Variants in BAZ2B observed in about 807,000 individuals in gnomAD.
BAZ2B encodes bromodomain adjacent to zinc finger domain 2B, also known as bromodomain adjacent to zinc finger domain protein 2B.
Under a neutral mutation model 246.0 loss-of-function variants are expected in BAZ2B, and 91 were observed. The ratio of observed to expected loss-of-function variants is 0.37; its 90% CI spans 0.31 to 0.44. The LOEUF is 0.44. BAZ2B is among the 20% of genes least tolerant of loss of function. BAZ2B has a pLI of 1.00. For missense variants in BAZ2B, 2,332 were observed against 2,533.7 expected (o/e 0.92, Z 1.71); for synonymous variants, 855 against 860.0 (o/e 0.99, Z 0.10).
At chr2:159,403,224 C>T (rs529822382) in intron 16 of BAZ2B, among the ~76,000 whole-genome samples, 33 of 152,266 alleles carry the variant, frequency 2.2e-4, no homozygotes, top group Non-Finnish European at 4.0e-4. Context: ...AGTAGAATTA[C>T]TCTATACTTT....
chr2:159,369,161 T>G (rs1318701645), intron 27 of BAZ2B, among the ~76,000 whole-genome samples: 1 of 152,136 alleles, frequency 6.6e-6, no homozygotes, highest in East Asian at 1.9e-4. Flanking sequence ...GCTGGGAAGT[T>G]TGTGGAAAAG....
At chr2:159,396,847 G>A in intron 19 of BAZ2B, among the ~76,000 whole-genome samples, 1 of 152,028 alleles carries the variant, frequency 6.6e-6, no homozygotes, top group East Asian at 1.9e-4. Flanking sequence ...AATTTTTAGA[G>A]AGCAGCCTTA....
intron 31 of BAZ2B, among the ~76,000 whole-genome samples, chr2:159,344,309 G>A (rs1184015326): frequency 8.6e-5 from 13 of 151,756 alleles, no homozygotes; most frequent in Non-Finnish European, 1.3e-4. Flanking sequence ...AGGCTGAGGC[G>A]GGTGGATCAC....
chr2:159,362,963 G>C (rs1163357681), intron 27 of BAZ2B, among the ~76,000 whole-genome samples: 1 of 152,136 alleles, frequency 6.6e-6, no homozygotes, highest in Non-Finnish European at 1.5e-5. Context: ...TGTGAGGCAC[G>C]GTGTACAGGA....
intron 4 of BAZ2B, among the ~76,000 whole-genome samples, chr2:159,451,837 G>A (rs937414806): frequency 6.6e-6 from 1 of 152,054 alleles, no homozygotes; most frequent in East Asian, 1.9e-4. Flanking sequence ...CATCATTCTA[G>A]TACAAAAGAC....
chr2:159,648,907 A>G, the BAZ2B span, among the ~76,000 whole-genome samples: 4 of 152,168 alleles, frequency 2.6e-5, no homozygotes, highest in African/African-American at 4.8e-5. Flanking sequence ...TGTTTACCAA[A>G]GTGGCTATAA....
chr2:159,590,152 A>G (rs1688972228), intron 1 of BAZ2B, among the ~76,000 whole-genome samples: 1 of 135,602 alleles, frequency 7.4e-6, no homozygotes, highest in African/African-American at 2.8e-5. Context: ...ATGCCACTGT[A>G]TTCCAGCCTG....
intron 25 of BAZ2B, among the ~76,000 whole-genome samples, chr2:159,374,968 C>A (rs1409134757): frequency 6.6e-6 from 1 of 152,080 alleles, no homozygotes; most frequent in Non-Finnish European, 1.5e-5. Flanking sequence ...GTAATCCCAG[C>A]ACTTTAGGAT....
intron 1 of BAZ2B, among the ~76,000 whole-genome samples, chr2:159,575,856 T>C (rs1327859225): frequency 7.9e-5 from 12 of 152,148 alleles, no homozygotes; most frequent in Admixed American, 7.9e-4. Flanking sequence ...TCTCCAAAAA[T>C]ACATTCTTAG....
intron 13 of BAZ2B, among the ~76,000 whole-genome samples, chr2:159,414,931 T>C (rs2067425548): frequency 6.6e-6 from 1 of 151,968 alleles, no homozygotes; most frequent in Non-Finnish European, 1.5e-5. Context: ...GGTACTGTGG[T>C]TATGAGTCCT....
intron 1 of BAZ2B, among the ~76,000 whole-genome samples, chr2:159,576,096 G>A (rs1232599379): frequency 6.6e-6 from 1 of 152,118 alleles, no homozygotes; most frequent in Admixed American, 6.6e-5. Context: ...TATTTAAAAG[G>A]TCAACTAAAC....
intron 1 of BAZ2B, among the ~76,000 whole-genome samples, chr2:159,556,632 T>C (rs947942919): frequency 6.6e-6 from 1 of 152,066 alleles, no homozygotes; most frequent in African/African-American, 2.4e-5. Flanking sequence ...AGCTAACTTT[T>C]TGTATTTTTT....
At chr2:159,325,060 T>TGAA (rs1342947566) in intron 35 of BAZ2B, 106 bp from the exon 36 acceptor site, 1 of 2,036 alleles carries the variant, frequency 4.9e-4, no homozygotes, top group Non-Finnish European at 1.2e-3. Flanking sequence ...TATATATATA[T>TGAA]TATATATATA....
chr2:159,703,126 G>A, the BAZ2B span, among the ~76,000 whole-genome samples: 1 of 150,626 alleles, frequency 6.6e-6, no homozygotes, highest in Non-Finnish European at 1.5e-5. Context: ...TTGCTCTGTT[G>A]CTCAGGCTGG....
chr2:159,555,901 A>G (rs776840228), intron 1 of BAZ2B, 36 bp from the exon 2 acceptor site: 2 of 152,216 alleles, frequency 1.3e-5, no homozygotes, highest in African/African-American at 4.8e-5. Flanking sequence ...AATCAGCTGA[A>G]GCATACTTAA....
intron 1 of BAZ2B, among the ~76,000 whole-genome samples, chr2:159,611,011 A>C (rs1324548791): frequency 6.6e-6 from 1 of 152,044 alleles, no homozygotes; most frequent in Non-Finnish European, 1.5e-5. Flanking sequence ...TTCAATAAAC[A>C]TGTGGCCAAT....
At chr2:159,452,275 T>C (rs998349529) in intron 4 of BAZ2B, among the ~76,000 whole-genome samples, 2 of 152,232 alleles carry the variant, frequency 1.3e-5, no homozygotes, top group Non-Finnish European at 2.9e-5. Flanking sequence ...AAGGATTTGA[T>C]AAATTATTAA....
At chr2:159,513,146 CATATGTAAAAGCAG>C (rs1159667961) in intron 2 of BAZ2B, among the ~76,000 whole-genome samples, 1 of 152,092 alleles carries the variant, frequency 6.6e-6, no homozygotes, top group Non-Finnish European at 1.5e-5. Flanking sequence ...TGAGAATCAA[CATATGTAAAAGCAG>C]ATAGTACAAT....
chr2:159,365,728 A>G (rs888632), intron 27 of BAZ2B, among the ~76,000 whole-genome samples: 117,553 of 152,056 alleles, frequency 0.77, 46,460 homozygotes, highest in Middle Eastern at 0.89. Context: ...TTCTCTGGTG[A>G]GAAAGTGCAA....
Sources: allele counts gnomAD v4.1 joint callset (sites outside exome capture counted in the v4.1 genomes callset), GRCh38; gene constraint gnomAD v4.1.1; transcripts MANE v1.5; gene names NCBI Gene and HGNC (gene_info 2026-07-23, HGNC 2026-07-21).